VIT: variants seen among roughly 807,000 people sequenced by gnomAD.
VIT encodes the protein vitrin.
In VIT, 99 loss-of-function variants were observed where a neutral mutation model predicts 78.0. That is an observed-to-expected ratio of 1.27 (90% CI 1.08 to 1.50). The LOEUF is 1.50. VIT is among the 40% of genes most tolerant of loss of function. The pLI is 0.00. For synonymous variants in VIT, 374 were observed against 334.3 expected, an observed-to-expected ratio of 1.12 and a Z score of -1.29; for missense variants, 1,126 against 875.3, an observed-to-expected ratio of 1.29 and a Z score of -3.61.
intron 6 of VIT, among the ~76,000 whole-genome samples, chr2:36,765,698 G>A (rs1040622000): frequency 6.6e-6 from 1 of 152,236 alleles, no homozygotes; most frequent in Non-Finnish European, 1.5e-5. Flanking sequence ...AAAGTGGCAT[G>A]GCCACAAGCC....
intron 12 of VIT, among the ~76,000 whole-genome samples, chr2:36,796,139 A>G (rs1665885938): frequency 6.6e-6 from 1 of 151,940 alleles, no homozygotes; most frequent in Non-Finnish European, 1.5e-5. Flanking sequence ...CATAGTGGGC[A>G]GCATAGTTGT....
chr2:36,793,533 G>C (rs1176819053), intron 12 of VIT, among the ~76,000 whole-genome samples: 12 of 152,174 alleles, frequency 7.9e-5, no homozygotes, highest in Non-Finnish European at 1.6e-4. Context: ...TCTGAACCAG[G>C]TAATACCCTC....
At chr2:36,760,731 C>T (rs535773684) in intron 6 of VIT, among the ~76,000 whole-genome samples, 3 of 152,176 alleles carry the variant, frequency 2.0e-5, no homozygotes, top group African/African-American at 7.2e-5. Flanking sequence ...ATCCTGGCAC[C>T]CTCTTGTTGG....
chr2:36,787,214 T>A lies in VIT; in HGVS notation c.996T>A (p.Ala332=). ...RRFRIQKQLL[A]DVAQALDIGP... ...TCCGAATCCAGAAGCAGCTCCTGGC[T>A]GATGTTGCCCAAGCTCTTGACATTG... The change falls in exon 12 of 16, where the codon GCT becomes GCA. Residue 332 remains alanine, a synonymous_variant. Transcript: ENST00000379242. 6.2e-7 allele frequency: 1 copy of A among 1,614,232 alleles called. No individual in the cohort carries two copies. Among genetic ancestry groups the A allele is most frequent in the South Asian group, 1.1e-5 (1 of 91,086 alleles).
At chr2:36,763,212 G>C (rs1259015614) in intron 6 of VIT, among the ~76,000 whole-genome samples, 1 of 152,108 alleles carries the variant, frequency 6.6e-6, no homozygotes, top group Non-Finnish European at 1.5e-5. Context: ...CCACGACCAG[G>C]GCCCTGGAAC....
chr2:36,787,928 G>C (rs2148634940), intron 12 of VIT: 1 of 406,612 alleles, frequency 2.5e-6, no homozygotes, highest in Non-Finnish European at 4.9e-6. Context: ...TAGAAATGGA[G>C]GGCTCGTGTT....
At chr2:36,702,795 C>T (rs940862021) in intron 1 of VIT, among the ~76,000 whole-genome samples, 1 of 152,158 alleles carries the variant, frequency 6.6e-6, no homozygotes, top group Non-Finnish European at 1.5e-5. Flanking sequence ...TCTATGGGTG[C>T]TGTGAAGATA....
intron 3 of VIT, among the ~76,000 whole-genome samples, chr2:36,733,938 G>A (rs868584102): frequency 1.3e-5 from 2 of 152,220 alleles, no homozygotes; most frequent in Non-Finnish European, 2.9e-5. Context: ...CTACTGAAGA[G>A]TTTTAAACAG....
chr2:36,704,457 C>T (rs1476800032), intron 1 of VIT, among the ~76,000 whole-genome samples: 5 of 152,174 alleles, frequency 3.3e-5, no homozygotes, highest in Non-Finnish European at 5.9e-5. Context: ...TCTCATTTAA[C>T]AGGCCGCTAT....
intron 4 of VIT, among the ~76,000 whole-genome samples, chr2:36,748,393 T>C (rs139526647): frequency 6.6e-6 from 1 of 152,346 alleles, no homozygotes; most frequent in African/African-American, 2.4e-5. Flanking sequence ...GGTTGGTCAC[T>C]TTACATAAGT....
intron 4 of VIT, among the ~76,000 whole-genome samples, chr2:36,744,073 C>A (rs1344807137): frequency 6.6e-6 from 1 of 152,142 alleles, no homozygotes; most frequent in African/African-American, 2.4e-5. Flanking sequence ...GGTGTTCTGT[C>A]TCTGCATTAG....
chr2:36,744,970 TC>T (rs929195321), intron 4 of VIT, among the ~76,000 whole-genome samples: 2 of 152,300 alleles, frequency 1.3e-5, no homozygotes, highest in African/African-American at 4.8e-5. Context: ...AAGTCTTTAA[TC>T]CATCTTGAGT....
At chr2:36,756,269 T>C (rs1253571429) in intron 5 of VIT, among the ~76,000 whole-genome samples, 1 of 152,134 alleles carries the variant, frequency 6.6e-6, no homozygotes, top group Non-Finnish European at 1.5e-5. Context: ...AACAGTGTTC[T>C]ATACTCACCT....
chr2:36,798,837 G>T (rs1013897878), intron 12 of VIT, among the ~76,000 whole-genome samples: 1 of 152,110 alleles, frequency 6.6e-6, no homozygotes, highest in Non-Finnish European at 1.5e-5. Context: ...CAGAGTGAAA[G>T]CCACAGTGCT....
chr2:36,806,075 A>G (rs1012712352), intron 14 of VIT, among the ~76,000 whole-genome samples: 18 of 152,120 alleles, frequency 1.2e-4, no homozygotes, highest in African/African-American at 4.1e-4. Context: ...CTGATAAACC[A>G]GAGAAAGGAG....
At chr2:36,743,559 G>A (rs1667964698) in intron 4 of VIT, among the ~76,000 whole-genome samples, 1 of 151,814 alleles carries the variant, frequency 6.6e-6, no homozygotes, top group African/African-American at 2.4e-5. Context: ...TTTTCCTTTG[G>A]TTACTTTTAA....
intron 13 of VIT, 135 bp from the exon 14 acceptor site, chr2:36,805,303 C>G: frequency 1.3e-6 from 1 of 786,508 alleles, no homozygotes; most frequent in Admixed American, 5.5e-5. Flanking sequence ...GACCCTGTCT[C>G]AAAGGAAAAA....
chr2:36,736,449 A>C lies in VIT; in HGVS notation c.119-6651A>C, dbSNP rs146665941. ...GACTCTAGAACAATTCCTGCCTGGC[A>C]AAGTGTCCGTGCTAGAGGGAGAAAA... On this transcript the variant is annotated intron_variant, in intron 3 of 15. Coordinates refer to ENST00000379242, the MANE Select transcript of VIT (RefSeq NM_053276.4). Among the ~76,000 whole-genome samples, 192 of 152,336 alleles carry C rather than the reference A, an allele frequency of 1.3e-3. 2 individuals are homozygous for C. The highest frequency in any genetic ancestry group is 4.3e-3 in the African/African-American group (177 of 41,580).
At position 36,736,581 on chromosome 2, in the gene VIT, A is replaced by G. The variant is rs1273939356; in HGVS notation, c.119-6519A>G. Reference sequence around the variant, plus strand: ...CCAAAGTGGTGTCAGGTGAGATCACATTATGCAGATGGGAGCCATTGATGA... The same window carrying G: ...CCAAAGTGGTGTCAGGTGAGATCACGTTATGCAGATGGGAGCCATTGATGA... On this transcript the variant is annotated intron_variant, in intron 3 of 15. Transcript: ENST00000379242. Among the ~76,000 whole-genome samples the G allele has an allele frequency of 3.9e-5, 6 of 152,242 alleles. No individual in the cohort carries two copies. The East Asian group carries it at 9.6e-4, about 24-fold the overall frequency.
Sources: allele counts gnomAD v4.1 joint callset (sites outside exome capture counted in the v4.1 genomes callset), GRCh38; gene constraint gnomAD v4.1.1; transcripts MANE v1.5; gene names NCBI Gene and HGNC (gene_info 2026-07-23, HGNC 2026-07-21).